The following GPR176 variants were observed in gnomAD, a reference collection of about 807,000 sequenced individuals.
GPR176 encodes the protein G protein-coupled receptor 176, also known as G-protein coupled receptor 176.
Under a neutral mutation model 35.4 loss-of-function variants are expected in GPR176, and 26 were observed. The ratio of observed to expected loss-of-function variants is 0.74; its 90% CI spans 0.54 to 1.02. The LOEUF (loss-of-function observed/expected upper bound fraction) is 1.02. GPR176 is among the 50% of genes least tolerant of loss of function. GPR176 has a pLI of 0.00. For missense variants in GPR176, 597 were observed against 665.3 expected (o/e 0.90, Z 1.13); for synonymous variants, 278 against 271.3 (o/e 1.02, Z -0.24).
At chr15:39,820,227 TG>T (rs1566940000) in intron 1 of GPR176, among the ~76,000 whole-genome samples, 1 of 152,030 alleles carries the variant, frequency 6.6e-6, no homozygotes, top group Admixed American at 6.6e-5. Context: ...GGGCAAGAGC[TG>T]GGGGTAGCCA....
intron 1 of GPR176, among the ~76,000 whole-genome samples, chr15:39,828,907 G>A (rs1900871500): frequency 6.6e-6 from 1 of 152,212 alleles, no homozygotes; most frequent in African/African-American, 2.4e-5. Context: ...TAGCTGGAAT[G>A]TAAGTAGATT....
chr15:39,851,926 A>G (rs537055187), intron 1 of GPR176, among the ~76,000 whole-genome samples: 50 of 152,252 alleles, frequency 3.3e-4, no homozygotes, highest in South Asian at 1.9e-3. Context: ...TTTGATTGTA[A>G]GTGCTTCCTT....
intron 1 of GPR176, among the ~76,000 whole-genome samples, chr15:39,902,710 T>C (rs974969709): frequency 6.6e-6 from 1 of 152,240 alleles, no homozygotes; most frequent in African/African-American, 2.4e-5. Flanking sequence ...CAGAGAGTTA[T>C]TCTTTCCTTC....
At chr15:39,909,268 G>C (rs1211451872) in intron 1 of GPR176, among the ~76,000 whole-genome samples, 4 of 152,098 alleles carry the variant, frequency 2.6e-5, no homozygotes, top group Non-Finnish European at 5.9e-5. Flanking sequence ...GGTTCTTCTG[G>C]ACCAGCTGTG....
At chr15:39,918,093 T>A (rs954759187) in intron 1 of GPR176, among the ~76,000 whole-genome samples, 1 of 144,558 alleles carries the variant, frequency 6.9e-6, no homozygotes, top group African/African-American at 2.6e-5. Context: ...GCACCATAGA[T>A]CAAGAGGAAA....
chr15:39,834,045 T>C (rs746967169), intron 1 of GPR176, among the ~76,000 whole-genome samples: 12 of 152,222 alleles, frequency 7.9e-5, no homozygotes, highest in Non-Finnish European at 1.6e-4. Flanking sequence ...GTCCATTTTC[T>C]ATTAATTCTC....
chr15:39,867,547 G>A (rs897953029), intron 1 of GPR176, among the ~76,000 whole-genome samples: 4 of 151,606 alleles, frequency 2.6e-5, no homozygotes, highest in African/African-American at 7.3e-5. Context: ...TGAACCTCAC[G>A]CTGGAGGCTA....
chr15:39,829,079 A>T, intron 1 of GPR176: 1 of 1,046,018 alleles, frequency 9.6e-7, no homozygotes, highest in Non-Finnish European at 1.4e-6. Flanking sequence ...AAGGTTAATT[A>T]CCCAAAGTTC....
chr15:39,905,535 A>G (rs2033397110), intron 1 of GPR176, among the ~76,000 whole-genome samples: 2 of 152,132 alleles, frequency 1.3e-5, no homozygotes, highest in Admixed American at 6.5e-5. Context: ...AAGTTGCTGC[A>G]GTGAACCAAG....
chr15:39,835,489 A>G (rs1317307472), intron 1 of GPR176, among the ~76,000 whole-genome samples: 2 of 151,644 alleles, frequency 1.3e-5, no homozygotes, highest in Admixed American at 1.3e-4. Flanking sequence ...TCCAAGAGAT[A>G]GTCCAGGACT....
chr15:39,857,694 C>A (rs192087975), intron 1 of GPR176, among the ~76,000 whole-genome samples: 2 of 151,630 alleles, frequency 1.3e-5, no homozygotes, highest in African/African-American at 4.8e-5. Context: ...AAGGGCAGGG[C>A]GCGGTGGCTT....
In GPR176 at chr15:39,807,272, A is replaced by G. The variant is rs769360270; in HGVS notation, c.173-14T>C. The G allele has an allele frequency of 1.4e-6, 2 of 1,441,510 alleles. No homozygotes were observed. The highest frequency in any genetic ancestry group is 4.8e-5 in the East Asian group (2 of 41,698). The allele number at this position is 1,441,510 out of a possible 1,614,324, so 89.3% of individuals were successfully genotyped here. ...CCATGAAGTTTCCTGGTCAGATATG[A>G]AAGAAAATAAAATAATTTAAATAAA... On this transcript the variant is annotated splice_polypyrimidine_tract_variant and intron_variant, in intron 1 of 2. Coordinates refer to ENST00000561100, the MANE Select transcript of GPR176 (RefSeq NM_007223.3).
chr15:39,807,650 C>A, intron 1 of GPR176: 2 of 758,534 alleles, frequency 2.6e-6, no homozygotes, highest in Non-Finnish European at 4.5e-6. Context: ...CAGTGCAAAC[C>A]GCACATGTCA....
At chr15:39,858,568 C>G (rs367583384) in intron 1 of GPR176, among the ~76,000 whole-genome samples, 3 of 151,980 alleles carry the variant, frequency 2.0e-5, no homozygotes, top group African/African-American at 4.8e-5. Flanking sequence ...AAAAAATCAG[C>G]TGGGTGTGGT....
rs1491229135 is a variant in GPR176, at chr15:39,897,597, A to AT, written c.172+22257dup. Among the ~76,000 whole-genome samples the AT allele has an allele frequency of 4.2e-3, 395 of 93,776 alleles. 2 individuals carry two copies. The highest frequency in any genetic ancestry group is 0.022 in the Middle Eastern group (4 of 182). 61.5% of individuals were successfully genotyped at this position (93,776 alleles called of 152,430 possible). ...CTGAGAGATCATGAGAAACATCCAA[A>AT]TATTTTTTTTTTTTTTTTTTTTTTT... On this transcript the variant is annotated intron_variant, in intron 1 of 2. Coordinates refer to ENST00000561100, the MANE Select transcript of GPR176 (RefSeq NM_007223.3).
At chr15:39,906,034 T>C (rs750198361) in intron 1 of GPR176, among the ~76,000 whole-genome samples, 9 of 152,214 alleles carry the variant, frequency 5.9e-5, no homozygotes, top group Admixed American at 1.3e-4. Flanking sequence ...TGTATGTGAA[T>C]CTACAATTAT....
intron 1 of GPR176, among the ~76,000 whole-genome samples, chr15:39,889,598 T>TA (rs891492140): frequency 3.7e-5 from 4 of 107,212 alleles, no homozygotes; most frequent in Admixed American, 3.1e-4. Context: ...TAAAATAAAA[T>TA]AAAATAAAAT....
intron 1 of GPR176, among the ~76,000 whole-genome samples, chr15:39,820,164 CAGGAG>C (rs1227990925): frequency 6.6e-6 from 1 of 152,058 alleles, no homozygotes; most frequent in Non-Finnish European, 1.5e-5. Flanking sequence ...AGAAGGCCAG[CAGGAG>C]AGGAGTGTTT....
chr15:39,829,936 T>G (rs1403327215), intron 1 of GPR176, among the ~76,000 whole-genome samples: 1 of 152,044 alleles, frequency 6.6e-6, no homozygotes, highest in African/African-American at 2.4e-5. Flanking sequence ...TCAAATAACT[T>G]TGTATATTCT....
Sources: allele counts gnomAD v4.1 joint callset (sites outside exome capture counted in the v4.1 genomes callset), GRCh38; gene constraint gnomAD v4.1.1; transcripts MANE v1.5; gene names NCBI Gene and HGNC (gene_info 2026-07-23, HGNC 2026-07-21).